SNTG2: variants seen among roughly 807,000 people sequenced by gnomAD.
SNTG2 encodes gamma-2-syntrophin.
Under a neutral mutation model 70.9 loss-of-function variants are expected in SNTG2, and 74 were observed. That is an observed-to-expected ratio of 1.04 (90% CI 0.86 to 1.27). The LOEUF is 1.27. Among genes scored for constraint, SNTG2 ranks in the 50% most tolerant of loss-of-function variants. The probability of loss-of-function intolerance (pLI) is 0.00; values close to 1 mark genes in which losing one functional copy is unlikely to be tolerated. For missense variants in SNTG2, 717 were observed against 690.7 expected, an observed-to-expected ratio of 1.04 and a Z score of -0.43; for synonymous variants, 278 against 273.8, an observed-to-expected ratio of 1.02 and a Z score of -0.15.
intron 16 of SNTG2, among the ~76,000 whole-genome samples, chr2:1,319,761 C>T (rs552378634): frequency 1.1e-4 from 16 of 152,252 alleles, no homozygotes; most frequent in South Asian, 6.2e-4. Context: ...GATGGGTGAC[C>T]GTGGGCATTT....
At chr2:1,363,488 A>G (rs1018144955) in intron 16 of SNTG2, among the ~76,000 whole-genome samples, 4 of 152,088 alleles carry the variant, frequency 2.6e-5, no homozygotes, top group African/African-American at 7.2e-5. Flanking sequence ...CTAACCCAAC[A>G]TATTGGACTG....
At chr2:1,323,181 G>A (rs910463254) in intron 16 of SNTG2, among the ~76,000 whole-genome samples, 2 of 152,190 alleles carry the variant, frequency 1.3e-5, no homozygotes, top group East Asian at 3.9e-4. Context: ...AAGGAGGTGG[G>A]TAGGGTCTGT....
At chr2:1,237,366 T>A (rs35967632) in intron 9 of SNTG2, among the ~76,000 whole-genome samples, 14,692 of 152,276 alleles carry the variant, frequency 0.096, 788 homozygotes, top group South Asian at 0.15. Context: ...CTACTGAATT[T>A]GAGACGGTTG....
chr2:1,184,457 A>G (rs1672123373), intron 8 of SNTG2, among the ~76,000 whole-genome samples: 1 of 152,226 alleles, frequency 6.6e-6, no homozygotes, highest in Non-Finnish European at 1.5e-5. Context: ...CACTGCTATA[A>G]AGAAGTACCA....
chr2:974,374 C>T (rs1660844982), intron 1 of SNTG2, among the ~76,000 whole-genome samples: 1 of 152,242 alleles, frequency 6.6e-6, no homozygotes, highest in Non-Finnish European at 1.5e-5. Flanking sequence ...CCACAGGAAG[C>T]TGCACCCGTT....
At chr2:1,230,118 G>A (rs1015648978) in intron 9 of SNTG2, among the ~76,000 whole-genome samples, 1 of 152,244 alleles carries the variant, frequency 6.6e-6, no homozygotes, top group African/African-American at 2.4e-5. Context: ...CGCCGAGAGC[G>A]AGCGAGGGCT....
At chr2:1,230,733 C>G (rs1558569187) in intron 9 of SNTG2, among the ~76,000 whole-genome samples, 1 of 152,232 alleles carries the variant, frequency 6.6e-6, no homozygotes, top group Non-Finnish European at 1.5e-5. Flanking sequence ...AAGCCTAGGC[C>G]CGGGCCCCAC....
chr2:1,251,323 A>T (rs1401536711), intron 12 of SNTG2, among the ~76,000 whole-genome samples: 2 of 152,218 alleles, frequency 1.3e-5, no homozygotes, highest in African/African-American at 4.8e-5. Flanking sequence ...ATTTTTAAGT[A>T]TAAATATATA....
intron 1 of SNTG2, among the ~76,000 whole-genome samples, chr2:1,059,560 T>C (rs6732977): frequency 0.014 from 2,128 of 152,280 alleles, 54 homozygotes; most frequent in African/African-American, 0.048. Flanking sequence ...GGATACGTAA[T>C]TTGTAATCTT....
chr2:1,099,304 G>A (rs545378145), intron 4 of SNTG2, among the ~76,000 whole-genome samples: 1 of 152,132 alleles, frequency 6.6e-6, no homozygotes, highest in South Asian at 2.1e-4. Context: ...GTGGGCAAGC[G>A]GGTGGCCTTA....
intron 9 of SNTG2, among the ~76,000 whole-genome samples, chr2:1,222,201 G>GA (rs1362049411): frequency 6.6e-6 from 1 of 151,154 alleles, no homozygotes; most frequent in Non-Finnish European, 1.5e-5. Flanking sequence ...CCTCTCAGTC[G>GA]AGGATCTTTT....
chr2:1,121,460 T>C (rs1369035407), intron 4 of SNTG2, among the ~76,000 whole-genome samples: 2 of 113,436 alleles, frequency 1.8e-5, no homozygotes, highest in Non-Finnish European at 4.0e-5. Flanking sequence ...CTAAGAATTG[T>C]TTTTAAAAAA....
chr2:1,341,089 G>C (rs779173687), intron 16 of SNTG2: 2 of 152,200 alleles, frequency 1.3e-5, no homozygotes, highest in Non-Finnish European at 2.9e-5. Context: ...TGGCTGCCAA[G>C]GGAGGATGGC....
intron 8 of SNTG2, among the ~76,000 whole-genome samples, chr2:1,181,869 C>T (rs1036139569): frequency 2.0e-5 from 3 of 152,086 alleles, no homozygotes; most frequent in African/African-American, 2.4e-5. Context: ...TATACTATGC[C>T]ATTTTTGTCT....
intron 14 of SNTG2, among the ~76,000 whole-genome samples, chr2:1,289,352 C>T (rs1445155654): frequency 2.0e-5 from 3 of 152,034 alleles, no homozygotes; most frequent in Non-Finnish European, 4.4e-5. Context: ...GCTGCGTGCA[C>T]TCAGCAGGAG....
intron 1 of SNTG2, among the ~76,000 whole-genome samples, chr2:996,673 G>GTTTTTTTTTTTATTTTTTTTTTTTTTTTT (rs1661691361): frequency 2.8e-5 from 1 of 35,114 alleles, no homozygotes; most frequent in African/African-American, 1.3e-4. Context: ...GAGTTACCCA[G>GTTTTTTTTTTTATTTTTTTTTTTTTTTTT]TTTTTTTTTT....
intron 12 of SNTG2, among the ~76,000 whole-genome samples, chr2:1,250,305 A>T (rs1245077993): frequency 1.3e-5 from 2 of 152,176 alleles, no homozygotes; most frequent in Non-Finnish European, 2.9e-5. Context: ...CAAACCCTGT[A>T]TGTTTCCTCT....
Position 1,223,847 on chromosome 2 carries a change from C to CCACAGATGGGTGTCCTTACGCAGCA in SNTG2, c.720-14029_720-14028insTCCTTACGCAGCACACAGATGGGTG, listed in dbSNP as rs1558559200. Among the ~76,000 whole-genome samples the CCACAGATGGGTGTCCTTACGCAGCA allele has an allele frequency of 6.0e-5, 9 of 149,608 alleles. 1 individual carries two copies. The highest frequency in any genetic ancestry group is 1.0e-4 in the Non-Finnish European group (7 of 67,792). ...GTTCCACAGATGGGTGACCTTAGTT[C>CCACAGATGGGTGTCCTTACGCAGCA]CACAGATGGGTGGCCTTACGCAGCA... On this transcript the variant is annotated intron_variant, in intron 9 of 16. Coordinates refer to ENST00000308624, the MANE Select transcript of SNTG2 (RefSeq NM_018968.4).
chr2:1,250,231 A>G (rs910472294), intron 12 of SNTG2, among the ~76,000 whole-genome samples: 1 of 152,164 alleles, frequency 6.6e-6, no homozygotes, highest in Non-Finnish European at 1.5e-5. Flanking sequence ...TGGCTTTGCC[A>G]TGGTTTGTTA....
Sources: gnomAD v4.1 joint callset for allele counts (sites outside exome capture counted in the v4.1 genomes callset) on GRCh38, gnomAD v4.1.1 for gene constraint, MANE v1.5 for transcripts, NCBI Gene and HGNC (gene_info 2026-07-23, HGNC 2026-07-21) for gene names.